GYG1: variants seen among roughly 807,000 people sequenced by gnomAD.
The protein encoded by GYG1 is glycogenin 1, also known as glycogenin-1.
A neutral mutation model predicts 41.9 loss-of-function variants in GYG1; 44 were observed. That is an observed-to-expected ratio of 1.05 (90% CI 0.83 to 1.35). The LOEUF is 1.35. Ranked by LOEUF, GYG1 falls within the 40% of genes most tolerant of loss-of-function variation. GYG1 has a pLI of 0.00. For missense variants in GYG1, 429 were observed against 418.9 expected (o/e 1.02, Z -0.21); for synonymous variants, 141 against 158.1 (o/e 0.89, Z 0.81).
chr3:149,005,769 T>G (rs957139124), intron 4 of GYG1, among the ~76,000 whole-genome samples: 2 of 152,182 alleles, frequency 1.3e-5, no homozygotes, highest in African/African-American at 4.8e-5. Flanking sequence ...ACCTGTTCAT[T>G]TTGAGAGAAT....
chr3:148,996,261 A>C, intron 2 of GYG1, 41 bp from the exon 3 acceptor site: 1 of 1,462,546 alleles, frequency 6.8e-7, no homozygotes, highest in Non-Finnish European at 9.6e-7. Flanking sequence ...ACTTGTTCTG[A>C]AAAGATGCTA....
Position 149,028,241 on chromosome 3 carries a change from T to G in GYG1, c.*1308T>G, listed in dbSNP as rs1714756673. ...CCTCCTTATTCATATTGATGTGAAT[T>G]AATATACAAGCATATAGACAGCTTA... On this transcript the variant is annotated 3_prime_UTR_variant, in exon 8 of 8. Coordinates refer to ENST00000345003, the MANE Select transcript of GYG1 (RefSeq NM_004130.4). 1.3e-5 allele frequency among the ~76,000 whole-genome samples: 2 copies of G among 152,180 alleles called. No individual in the cohort carries two copies. Among genetic ancestry groups the G allele is most frequent in the Non-Finnish European group, 2.9e-5 (2 of 68,026 alleles).
intron 5 of GYG1, among the ~76,000 whole-genome samples, chr3:149,019,404 C>T (rs3772568): frequency 0.3 from 45,534 of 152,002 alleles, 6,778 homozygotes; most frequent in East Asian, 0.32. Flanking sequence ...CTCCACAGTC[C>T]TGCTCACCTC....
chr3:149,003,867 A>C (rs1488575573), intron 4 of GYG1: 1 of 152,228 alleles, frequency 6.6e-6, no homozygotes, highest in Non-Finnish European at 1.5e-5. Context: ...CTGCCAGCAA[A>C]CTGTGGAAGA....
rs71617496 is a variant in GYG1 at position 149,028,705 on chromosome 3, ATTTTT to A, written c.*1791_*1795del. Among the ~76,000 whole-genome samples the A allele has an allele frequency of 5.5e-4, 74 of 133,710 alleles. No individual in the cohort carries two copies. Among genetic ancestry groups the A allele is most frequent in the East Asian group, 6.4e-4 (3 of 4,682 alleles). 87.7% of individuals were successfully genotyped at this position (133,710 alleles called of 152,430 possible). A position where few individuals can be genotyped will look rare whatever the true frequency, so the allele number is the denominator to read the frequency against. On this transcript the variant is annotated 3_prime_UTR_variant, in exon 8 of 8. Coordinates refer to ENST00000345003, the MANE Select transcript of GYG1 (RefSeq NM_004130.4). The stretch of plus-strand genomic sequence containing the variant: ...GGTGGAAAAGCTGACATAGTTTTAA[ATTTTT>A]TTTTTTTTTTTTTTTTTTCTTGAGG...
At chr3:149,002,246 A>G (rs1159520492) in intron 4 of GYG1, among the ~76,000 whole-genome samples, 1 of 152,246 alleles carries the variant, frequency 6.6e-6, no homozygotes, top group Admixed American at 6.5e-5. Context: ...CTGCCTCTAT[A>G]AAGTTTATAT....
At chr3:148,998,765 C>CT (rs541287447) in intron 4 of GYG1, among the ~76,000 whole-genome samples, 56 of 152,320 alleles carry the variant, frequency 3.7e-4, no homozygotes, top group African/African-American at 1.3e-3. Flanking sequence ...CTTATTTCTA[C>CT]TGCTTATACT....
intron 1 of GYG1, among the ~76,000 whole-genome samples, chr3:148,993,918 TAATC>T (rs1254879435): frequency 6.6e-6 from 1 of 152,246 alleles, no homozygotes; most frequent in Admixed American, 6.5e-5. Context: ...TTCTATAGCT[TAATC>T]AACCTGTTGA....
At chr3:149,031,772 T>TATAGTCTGTATATATTGTTTACA (rs1553735367) in exon 8 of GYG1, 1 of 152,372 alleles carries the variant, frequency 6.6e-6, no homozygotes, top group East Asian at 1.9e-4. Flanking sequence ...TTAATTCTTG[T>TATAGTCTGTATATATTGTTTACA]ATAGTCTGTA....
chr3:149,012,218 G>A (rs1189097740), intron 5 of GYG1, among the ~76,000 whole-genome samples: 1 of 151,190 alleles, frequency 6.6e-6, no homozygotes, highest in Non-Finnish European at 1.5e-5. Context: ...AAGCATTTCG[G>A]TCATCATTGC....
rs1225318728 is a variant in GYG1 at position 148,999,395 on chromosome 3, G to T, written c.481+2491G>T. On this transcript the variant is annotated intron_variant, in intron 4 of 7. Transcript: ENST00000345003. ...GTCATCTATGCAGCTGAGAACTTAT[G>T]GTTCTCAATATGTTGTTTAAATTCA... Among the ~76,000 whole-genome samples, 2 of 152,190 alleles carry T rather than the reference G, an allele frequency of 1.3e-5. 1 individual carries two copies. The highest frequency in any genetic ancestry group is 4.8e-5 in the African/African-American group (2 of 41,440).
Position 149,026,874 on chromosome 3 carries a change from T to G in GYG1, c.994T>G (p.Tyr332Asp), listed in dbSNP as rs576193137. The change falls in exon 8 of 8, where the codon TAT (tyrosine) becomes GAT (aspartate). Residue 332 changes from tyrosine (Y) to aspartate (D), a missense_variant. By Grantham distance (160) the Tyr-to-Asp change is radical. Coordinates refer to ENST00000345003, the MANE Select transcript of GYG1 (RefSeq NM_004130.4). Reference protein sequence around the residue: ...KERWEQGQADYMGADSFDNIK... With the variant: ...KERWEQGQADDMGADSFDNIK... ...ACGATGGGAACAGGGCCAGGCTGAT[T>G]ATATGGGAGCAGATTCCTTTGACAA... The G allele has an allele frequency of 1.2e-6, 2 of 1,613,854 alleles. No individual in the cohort carries two copies. Among genetic ancestry groups the G allele is most frequent in the Non-Finnish European group, 1.7e-6 (2 of 1,179,762 alleles).
In GYG1 at chr3:149,026,787, C is replaced by G; in HGVS notation, c.907C>G (p.Leu303Val). The G allele has an allele frequency of 6.2e-7, 1 of 1,613,214 alleles. No individual in the cohort carries two copies. Among genetic ancestry groups the G allele is most frequent in the Non-Finnish European group, 8.5e-7 (1 of 1,179,162 alleles). The part of the protein sequence containing the change: ...KEDVSGAISH[L>V]SLGEIPAMAQ... Reference sequence around the variant, plus strand: ...AGATGTCTCAGGAGCCATATCACATCTGTCCCTTGGGGAGATCCCAGCTAT... The same window carrying G: ...AGATGTCTCAGGAGCCATATCACATGTGTCCCTTGGGGAGATCCCAGCTAT... The change falls in exon 8 of 8, where the codon CTG becomes GTG. Residue 303 changes from leucine to valine, a missense_variant. Physicochemically the swap from Leu to Val is conservative, Grantham distance 32. Coordinates refer to ENST00000345003, the MANE Select transcript of GYG1 (RefSeq NM_004130.4).
intron 3 of GYG1, 64 bp from the exon 4 acceptor site, chr3:148,996,678 G>T: frequency 6.8e-7 from 1 of 1,472,696 alleles, no homozygotes; most frequent in South Asian, 1.1e-5. Flanking sequence ...GACATAGGAA[G>T]AACTCAAGAA....
chr3:149,014,735 G>T (rs1238091700), intron 5 of GYG1, among the ~76,000 whole-genome samples: 1 of 151,878 alleles, frequency 6.6e-6, no homozygotes, highest in Non-Finnish European at 1.5e-5. Context: ...GGGCGTAGTG[G>T]TGCATGCCTG....
intron 5 of GYG1, among the ~76,000 whole-genome samples, chr3:149,018,268 A>G (rs1370914327): frequency 6.6e-6 from 1 of 152,186 alleles, no homozygotes. Context: ...AGTGTTCAAG[A>G]CCTGTTGCTC....
In GYG1 at chr3:149,019,437, C is replaced by A. The variant is rs554807817; in HGVS notation, c.609-4616C>A. Among the ~76,000 whole-genome samples the A allele has an allele frequency of 2.0e-5, 3 of 152,340 alleles. No individual in the cohort carries two copies. The South Asian group carries it at 6.2e-4, about 32-fold the overall frequency. On this transcript the variant is annotated intron_variant, in intron 5 of 7. Coordinates refer to ENST00000345003, the MANE Select transcript of GYG1 (RefSeq NM_004130.4). ...CTCTCCCATCTCTCCCCACTCACCC[C>A]CTGTCTTGCTGGCACCCAAGGGATT...
rs1714802515 is a variant in GYG1 at position 149,028,965 on chromosome 3, C to T, written c.*2032C>T. On this transcript the variant is annotated 3_prime_UTR_variant, in exon 8 of 8. Transcript: ENST00000345003. ...ATCTCTTGACCTCGTGATCCACCGG[C>T]CTTGGCCTCCCAAAGTGCTGGGATT... Among the ~76,000 whole-genome samples, 1 of 152,196 alleles carries T rather than the reference C, an allele frequency of 6.6e-6. No homozygotes were observed.
intron 5 of GYG1, among the ~76,000 whole-genome samples, chr3:149,013,168 T>C (rs1035790681): frequency 2.0e-5 from 3 of 152,212 alleles, no homozygotes; most frequent in Non-Finnish European, 4.4e-5. Flanking sequence ...ATGCATTTAT[T>C]AATAATATTT....
Sources: gnomAD v4.1 joint callset for allele counts (sites outside exome capture counted in the v4.1 genomes callset) on GRCh38, gnomAD v4.1.1 for gene constraint, MANE v1.5 for transcripts, NCBI Gene and HGNC (gene_info 2026-07-23, HGNC 2026-07-21) for gene names.